Variants in ARSB observed in about 807,000 individuals in gnomAD.
ARSB encodes the protein N-acetylgalactosamine-4-sulfatase.
Under a neutral mutation model 50.9 loss-of-function variants are expected in ARSB, and 41 were observed. That is an observed-to-expected ratio of 0.81 (90% CI 0.63 to 1.04). The LOEUF (loss-of-function observed/expected upper bound fraction) is 1.04, where lower values mean the gene tolerates loss of function less well. Among genes scored for constraint, ARSB ranks in the 50% least tolerant of loss-of-function variants. ARSB has a pLI of 0.00. For missense variants in ARSB, 672 were observed against 693.3 expected (o/e 0.97, Z 0.35); for synonymous variants, 269 against 284.8 (o/e 0.94, Z 0.56).
rs1751531486 is a variant in ARSB, at chr5:78,952,521, G to A, written c.898+2774C>T. Among the ~76,000 whole-genome samples, 5 of 152,162 alleles carry A rather than the reference G, an allele frequency of 3.3e-5. No homozygotes were observed. In the South Asian group the frequency reaches 1.0e-3, roughly 32 times the overall value. ...CTGGCTAATTTTTGTATTTTTTGTA[G>A]AGACAGGGTTTCACCATGTTTCCCA... is the stretch of plus-strand genomic sequence containing the variant. On this transcript the variant is annotated intron_variant, in intron 4 of 7. Coordinates refer to ENST00000264914, the MANE Select transcript of ARSB (RefSeq NM_000046.5).
chr5:78,810,106 T>C (rs866831378), intron 6 of ARSB, among the ~76,000 whole-genome samples: 17 of 152,258 alleles, frequency 1.1e-4, no homozygotes, highest in African/African-American at 4.1e-4. Flanking sequence ...CTTCTCAAAT[T>C]TCCCGACCCC....
intron 4 of ARSB, among the ~76,000 whole-genome samples, chr5:78,945,646 T>C (rs1413789888): frequency 3.9e-5 from 6 of 152,182 alleles, no homozygotes; most frequent in Non-Finnish European, 8.8e-5. Flanking sequence ...AATTCCTCCC[T>C]GCATGTGCAC....
chr5:78,915,843 A>C (rs1313660961), intron 4 of ARSB, among the ~76,000 whole-genome samples: 2 of 152,196 alleles, frequency 1.3e-5, no homozygotes, highest in African/African-American at 4.8e-5. Context: ...CTGCATTTTG[A>C]ATGCGACTAG....
chr5:78,975,763 C>T (rs762740010), intron 1 of ARSB, among the ~76,000 whole-genome samples: 16 of 152,198 alleles, frequency 1.1e-4, no homozygotes, highest in African/African-American at 2.4e-4. Context: ...AGCTCTTTCA[C>T]GAACTGTGTA....
At chr5:78,949,059 C>G (rs80136144) in intron 4 of ARSB, among the ~76,000 whole-genome samples, 1 of 152,146 alleles carries the variant, frequency 6.6e-6, no homozygotes, top group Non-Finnish European at 1.5e-5. Context: ...CAATGTTGTG[C>G]AGCCATCACC....
At chr5:78,900,941 A>G (rs1196386815) in intron 4 of ARSB, among the ~76,000 whole-genome samples, 2 of 150,628 alleles carry the variant, frequency 1.3e-5, no homozygotes, top group African/African-American at 2.4e-5. Flanking sequence ...TGGGAGGCTG[A>G]GGCAGGAGAA....
At chr5:78,868,959 A>T (rs950302782) in intron 5 of ARSB, among the ~76,000 whole-genome samples, 4 of 151,944 alleles carry the variant, frequency 2.6e-5, no homozygotes, top group African/African-American at 9.7e-5. Flanking sequence ...AATGAAAGGA[A>T]GGAGGAAGAT....
Position 78,801,569 on chromosome 5 carries a change from C to T in ARSB, c.1214-19595G>A, listed in dbSNP as rs113163879. On this transcript the variant is annotated intron_variant, in intron 6 of 7. Transcript: ENST00000264914. ...GCACTCTCACTCACACTCCTCAGCA[C>T]GCTAGGAATAAAACTGAAACTGCAA... 3.4e-3 allele frequency among the ~76,000 whole-genome samples: 525 copies of T among 152,274 alleles called. 3 individuals carry two copies. The highest frequency in any genetic ancestry group is 0.012 in the African/African-American group (491 of 41,552).
chr5:78,912,309 A>G (rs948919981), intron 4 of ARSB, among the ~76,000 whole-genome samples: 3 of 152,208 alleles, frequency 2.0e-5, no homozygotes, highest in Non-Finnish European at 4.4e-5. Context: ...GCTGTTTCTC[A>G]TACTCCATCA....
intron 6 of ARSB, among the ~76,000 whole-genome samples, chr5:78,825,536 A>T (rs1383199551): frequency 6.6e-6 from 1 of 152,194 alleles, no homozygotes; most frequent in Non-Finnish European, 1.5e-5. Context: ...GTTGTTAACA[A>T]TTAGAAATCA....
chr5:78,827,750 T>C (rs916486815), intron 6 of ARSB, among the ~76,000 whole-genome samples: 7 of 152,152 alleles, frequency 4.6e-5, no homozygotes, highest in African/African-American at 9.7e-5. Flanking sequence ...GTTTGGATAA[T>C]TGGGAGAGAA....
chr5:78,859,294 T>C (rs1325996941), intron 5 of ARSB, among the ~76,000 whole-genome samples: 1 of 152,218 alleles, frequency 6.6e-6, no homozygotes, highest in Non-Finnish European at 1.5e-5. Flanking sequence ...ATATTTTTCA[T>C]ATAGATTGTT....
intron 3 of ARSB, among the ~76,000 whole-genome samples, chr5:78,963,611 A>G (rs1037412102): frequency 6.6e-5 from 10 of 152,252 alleles, no homozygotes; most frequent in African/African-American, 2.4e-4. Flanking sequence ...CAGAGAACTT[A>G]GCTTAAACTT....
chr5:78,915,887 T>C (rs1749527400), intron 4 of ARSB, among the ~76,000 whole-genome samples: 1 of 152,210 alleles, frequency 6.6e-6, no homozygotes, highest in Admixed American at 6.5e-5. Context: ...CTTCCACTTG[T>C]GGCATCATAT....
chr5:78,944,438 A>G lies in ARSB; in HGVS notation c.898+10857T>C, dbSNP rs1037732003. Among the ~76,000 whole-genome samples, 7 of 151,978 alleles carry G rather than the reference A, an allele frequency of 4.6e-5. 1 individual carries two copies. Among genetic ancestry groups the G allele is most frequent in the Non-Finnish European group, 7.4e-5 (5 of 68,000 alleles). ...TTACCTTTGGTCTTTGATGATGGTG[A>G]TTTACAGATGGGGTTTTGGTGTGGA... On this transcript the variant is annotated intron_variant, in intron 4 of 7. Transcript: ENST00000264914.
At chr5:78,879,623 T>C (rs1352245719) in intron 5 of ARSB, among the ~76,000 whole-genome samples, 1 of 152,254 alleles carries the variant, frequency 6.6e-6, no homozygotes, top group Non-Finnish European at 1.5e-5. Flanking sequence ...GGTATTTCCA[T>C]TTCTGGAAAA....
intron 6 of ARSB, among the ~76,000 whole-genome samples, chr5:78,801,928 T>G (rs1271153403): frequency 6.6e-6 from 1 of 152,122 alleles, no homozygotes; most frequent in Non-Finnish European, 1.5e-5. Flanking sequence ...GTCTATACTG[T>G]TCGAATGTCA....
chr5:78,864,639 C>A (rs970471209), intron 5 of ARSB, among the ~76,000 whole-genome samples: 2 of 152,196 alleles, frequency 1.3e-5, no homozygotes, highest in Admixed American at 1.3e-4. Flanking sequence ...AAAGTCTTAA[C>A]TTGTTTCAGC....
At chr5:78,970,378 A>C (rs902449455) in intron 1 of ARSB, among the ~76,000 whole-genome samples, 1 of 152,190 alleles carries the variant, frequency 6.6e-6, no homozygotes, top group African/African-American at 2.4e-5. Context: ...AGCTTTTTTC[A>C]TAAGTTATTT....
Sources: gnomAD v4.1 joint callset for allele counts (sites outside exome capture counted in the v4.1 genomes callset) on GRCh38, gnomAD v4.1.1 for gene constraint, MANE v1.5 for transcripts, NCBI Gene and HGNC (gene_info 2026-07-23, HGNC 2026-07-21) for gene names.